DAB1: variants seen among roughly 807,000 people sequenced by gnomAD.
DAB1 encodes the protein disabled homolog 1.
Under a neutral mutation model 64.6 loss-of-function variants are expected in DAB1, and 15 were observed. The ratio of observed to expected loss-of-function variants is 0.23; its 90% CI spans 0.16 to 0.36. The LOEUF (loss-of-function observed/expected upper bound fraction) is 0.36. Ranked by LOEUF, DAB1 falls within the 10% of genes least tolerant of loss-of-function variation. The pLI, the probability that DAB1 is intolerant of heterozygous loss-of-function variation, is 1.00. For synonymous variants in DAB1, 235 were observed against 251.9 expected, an observed-to-expected ratio of 0.93 and a Z score of 0.64; for missense variants, 596 against 706.7, an observed-to-expected ratio of 0.84 and a Z score of 1.78.
At chr1:57,845,313 G>A (rs1000145589) in intron 1 of DAB1, among the ~76,000 whole-genome samples, 1 of 152,150 alleles carries the variant, frequency 6.6e-6, no homozygotes, top group Non-Finnish European at 1.5e-5. Context: ...CTGGTTTGGG[G>A]GTTGGCAGGG....
chr1:57,848,141 A>G (rs1034721483), intron 1 of DAB1, among the ~76,000 whole-genome samples: 5 of 152,244 alleles, frequency 3.3e-5, no homozygotes, highest in Non-Finnish European at 7.3e-5. Context: ...ATATCCTTTC[A>G]AGACATGTAT....
rs1049058578 is a variant in DAB1, at chr1:58,218,989, T to TTCTCTCTC, written n.310-68409_310-68402dup. ...GAGTAATCCCCCATAATTCTGGCCATTCTCTCTCTCTCTCTCTCTCTCTCT... is the reference window on the plus strand; with the variant it reads ...GAGTAATCCCCCATAATTCTGGCCATTCTCTCTCTCTCTCTCTCTCTCTCTCTCTCTCT... On this transcript the variant is annotated intron_variant and non_coding_transcript_variant, in intron 4 of 20. Coordinates refer to the DAB1 transcript ENST00000485760. Among the ~76,000 whole-genome samples, 160 of 125,908 alleles carry TTCTCTCTC rather than the reference T, an allele frequency of 1.3e-3. 2 individuals are homozygous for TTCTCTCTC. The highest frequency in any genetic ancestry group is 4.0e-3 in the African/African-American group (120 of 30,106). 82.6% of individuals were successfully genotyped at this position (125,908 alleles called of 152,430 possible).
intron 1 of DAB1, among the ~76,000 whole-genome samples, chr1:57,408,928 G>T (rs1259155209): frequency 6.6e-6 from 1 of 152,100 alleles, no homozygotes; most frequent in Non-Finnish European, 1.5e-5. Flanking sequence ...TCACTCACTG[G>T]GAAACACTGG....
At chr1:57,284,569 T>C (rs1375690723) in intron 2 of DAB1, among the ~76,000 whole-genome samples, 1 of 152,154 alleles carries the variant, frequency 6.6e-6, no homozygotes, top group East Asian at 1.9e-4. Flanking sequence ...GCTTAAAGTA[T>C]GAACCCAAAT....
At chr1:58,257,300 G>A (rs1660954356) in intron 4 of DAB1, among the ~76,000 whole-genome samples, 1 of 152,230 alleles carries the variant, frequency 6.6e-6, no homozygotes, top group Non-Finnish European at 1.5e-5. Flanking sequence ...AGTGTATTTG[G>A]ATAGGGCTTC....
chr1:57,288,016 G>A (rs942208149), intron 2 of DAB1, among the ~76,000 whole-genome samples: 1 of 151,872 alleles, frequency 6.6e-6, no homozygotes, highest in Admixed American at 6.6e-5. Flanking sequence ...GGCTGGTCTC[G>A]AATTCCTGAC....
chr1:57,646,408 T>C (rs1299232016), intron 7 of DAB1, among the ~76,000 whole-genome samples: 1 of 152,102 alleles, frequency 6.6e-6, no homozygotes, highest in Non-Finnish European at 1.5e-5. Context: ...GACACAACAA[T>C]AGCATGAAAG....
intron 5 of DAB1, among the ~76,000 whole-genome samples, chr1:58,073,961 A>G (rs778169068): frequency 6.6e-6 from 1 of 152,198 alleles, no homozygotes; most frequent in Non-Finnish European, 1.5e-5. Context: ...GATAAAAATG[A>G]CTCCACGAAA....
At chr1:57,371,310 G>A (rs1680478629) in intron 1 of DAB1, among the ~76,000 whole-genome samples, 1 of 152,138 alleles carries the variant, frequency 6.6e-6, no homozygotes, top group Admixed American at 6.5e-5. Flanking sequence ...AAAAACACAT[G>A]TCTGATGGCA....
intron 4 of DAB1, among the ~76,000 whole-genome samples, chr1:58,229,700 T>C (rs1659685586): frequency 6.6e-6 from 1 of 152,166 alleles, no homozygotes; most frequent in African/African-American, 2.4e-5. Flanking sequence ...TTTGAAGCAC[T>C]GGCAAAGCAC....
intron 9 of DAB1, among the ~76,000 whole-genome samples, chr1:57,057,405 A>G (rs1649879085): frequency 6.6e-6 from 1 of 152,092 alleles, no homozygotes; most frequent in African/African-American, 2.4e-5. Flanking sequence ...GTAGTTTGAG[A>G]AATGGACTAT....
intron 9 of DAB1, among the ~76,000 whole-genome samples, chr1:57,040,699 G>GT (rs2100475511): frequency 6.6e-6 from 1 of 152,316 alleles, no homozygotes; most frequent in Non-Finnish European, 1.5e-5. Context: ...GCAATTATTT[G>GT]TTTTTAATGG....
At chr1:57,948,882 C>T (rs765998433) in intron 5 of DAB1, among the ~76,000 whole-genome samples, 1 of 152,102 alleles carries the variant, frequency 6.6e-6, no homozygotes, top group Non-Finnish European at 1.5e-5. Flanking sequence ...AGGCCTAAAG[C>T]CTCATTTACC....
At chr1:57,682,055 G>A (rs1646642088) in intron 6 of DAB1, among the ~76,000 whole-genome samples, 1 of 151,994 alleles carries the variant, frequency 6.6e-6, no homozygotes, top group Non-Finnish European at 1.5e-5. Flanking sequence ...GGCAGCCAGG[G>A]GTGATTAGAG....
chr1:57,502,736 G>T (rs1277128273), intron 7 of DAB1, among the ~76,000 whole-genome samples: 1 of 152,184 alleles, frequency 6.6e-6, no homozygotes, highest in African/African-American at 2.4e-5. Flanking sequence ...TGGTCTGGAA[G>T]TTCAAAAATG....
At chr1:58,100,076 C>T (rs1420785328) in intron 5 of DAB1, among the ~76,000 whole-genome samples, 2 of 152,006 alleles carry the variant, frequency 1.3e-5, no homozygotes, top group South Asian at 2.1e-4. Flanking sequence ...TTTTTTTTAT[C>T]GTGGTAAAAG....
At chr1:58,450,212 A>G (rs566862357) in intron 3 of DAB1, among the ~76,000 whole-genome samples, 1 of 152,324 alleles carries the variant, frequency 6.6e-6, no homozygotes, top group African/African-American at 2.4e-5. Context: ...TCTGCCAAGG[A>G]AACAACTTCA....
At chr1:57,336,062 T>C (rs1424455258) in intron 1 of DAB1, among the ~76,000 whole-genome samples, 1 of 152,242 alleles carries the variant, frequency 6.6e-6, no homozygotes, top group Non-Finnish European at 1.5e-5. Flanking sequence ...CGGCATGGCA[T>C]TAACGCAGTT....
intron 6 of DAB1, among the ~76,000 whole-genome samples, chr1:57,701,254 C>T (rs1339424405): frequency 3.3e-5 from 5 of 151,970 alleles, no homozygotes; most frequent in Admixed American, 6.6e-5. Flanking sequence ...CATATGCACA[C>T]GTATGTTTAT....
Sources: gnomAD v4.1 joint callset for allele counts (sites outside exome capture counted in the v4.1 genomes callset) on GRCh38, gnomAD v4.1.1 for gene constraint, MANE v1.5 for transcripts, NCBI Gene and HGNC (gene_info 2026-07-23, HGNC 2026-07-21) for gene names.